The following CACNA1C variants were observed in gnomAD, a reference collection of about 807,000 sequenced individuals.
CACNA1C encodes calcium voltage-gated channel subunit alpha1 C, also known as voltage-dependent L-type calcium channel subunit alpha-1C.
A neutral mutation model predicts 229.0 loss-of-function variants in CACNA1C; 30 were observed. The ratio of observed to expected loss-of-function variants is 0.13; its 90% CI spans 0.10 to 0.18. CACNA1C has a LOEUF of 0.18. CACNA1C is among the 10% of genes least tolerant of loss of function. The pLI is 1.00. For missense variants in CACNA1C, 1,658 were observed against 2,845.0 expected (o/e 0.58, Z 9.49); for synonymous variants, 1,114 against 1,132.5 (o/e 0.98, Z 0.33).
At chr12:2,004,055 T>C (rs2042806339) in intron 1 of CACNA1C, 3 of 622,934 alleles carry the variant, frequency 4.8e-6, no homozygotes, top group Admixed American at 3.0e-5. Context: ...TTGGGTACGT[T>C]AGAGATTTAA....
intron 3 of CACNA1C, among the ~76,000 whole-genome samples, chr12:2,255,008 C>T (rs571691655): frequency 1.3e-5 from 2 of 152,252 alleles, no homozygotes; most frequent in East Asian, 3.9e-4. Context: ...GGAGCAACAG[C>T]CTTAAATGGA....
rs77819950 is a variant in CACNA1C, at chr12:2,137,096, G to A, written c.477+16666G>A. ...CCCAGGTGAGAGCAGTCCCCCTCTC[G>A]TGCCGAGAGGCTCCACAGGTTTTGC... is the stretch of plus-strand genomic sequence containing the variant. On this transcript the variant is annotated intron_variant, in intron 3 of 46. Coordinates refer to ENST00000399655, the MANE Select transcript of CACNA1C (RefSeq NM_000719.7). 5.1e-3 allele frequency among the ~76,000 whole-genome samples: 779 copies of A among 151,390 alleles called. 31 individuals carry two copies. The highest frequency in any genetic ancestry group is 0.018 in the South Asian group (85 of 4,750).
chr12:2,667,728 C>A (rs781501277), intron 37 of CACNA1C, among the ~76,000 whole-genome samples: 2 of 152,100 alleles, frequency 1.3e-5, no homozygotes, highest in Non-Finnish European at 2.9e-5. Context: ...AGCCTGGGTG[C>A]GAAACTTTCC....
At chr12:2,150,847 T>C (rs1056285910) in intron 3 of CACNA1C, among the ~76,000 whole-genome samples, 5 of 152,220 alleles carry the variant, frequency 3.3e-5, no homozygotes, top group Non-Finnish European at 7.3e-5. Context: ...TTTCCATTAG[T>C]AGAGTGCTAT....
chr12:2,177,367 A>AT (rs2096677449), intron 3 of CACNA1C, among the ~76,000 whole-genome samples: 1 of 152,174 alleles, frequency 6.6e-6, no homozygotes, highest in Non-Finnish European at 1.5e-5. Flanking sequence ...AAATAAATAA[A>AT]AAATACACAG....
At chr12:2,682,797 G>C (rs1195516815) in intron 43 of CACNA1C, 119 bp downstream of exon 43, 3 of 817,746 alleles carry the variant, frequency 3.7e-6, no homozygotes, top group Non-Finnish European at 4.9e-6. Context: ...GGAGATCACA[G>C]AGAAAACATC....
intron 3 of CACNA1C, among the ~76,000 whole-genome samples, chr12:2,243,506 T>A (rs536382539): frequency 6.6e-6 from 1 of 152,194 alleles, no homozygotes; most frequent in Non-Finnish European, 1.5e-5. Context: ...CTGCCATCAG[T>A]GCGATCACCA....
rs923157417 is a variant in CACNA1C, at chr12:2,324,387, G to A, written c.478-124589G>A. On this transcript the variant is annotated intron_variant, in intron 3 of 46. Transcript: ENST00000399655. ...TCTCTGGACCAAGAAGGGACAAGCC[G>A]CGCCCTTGCTGCCCGAATCTCCACC... Among the ~76,000 whole-genome samples, 8 of 152,310 alleles carry A rather than the reference G, an allele frequency of 5.3e-5. No homozygotes were observed. In the South Asian group the frequency reaches 8.3e-4, roughly 16 times the overall value.
chr12:2,470,329 G>A (rs1006266670), intron 5 of CACNA1C, among the ~76,000 whole-genome samples: 11 of 152,128 alleles, frequency 7.2e-5, no homozygotes, highest in African/African-American at 2.7e-4. Context: ...CACAGACAAG[G>A]TGATGACTGA....
At chr12:2,376,136 TCAAG>T (rs1567319925) in intron 3 of CACNA1C, among the ~76,000 whole-genome samples, 2 of 152,208 alleles carry the variant, frequency 1.3e-5, no homozygotes, top group Admixed American at 1.3e-4. Flanking sequence ...GCAGCCATGC[TCAAG>T]GCCAGAGTCG....
chr12:2,203,000 A>C (rs578081308), intron 3 of CACNA1C, among the ~76,000 whole-genome samples: 2 of 152,182 alleles, frequency 1.3e-5, no homozygotes, highest in South Asian at 4.2e-4. Context: ...GTACACCGAA[A>C]GTTTTCTTTT....
chr12:2,674,464 T>C (rs2096707145), intron 38 of CACNA1C, 77 bp from the exon 39 acceptor site: 1 of 1,499,392 alleles, frequency 6.7e-7, no homozygotes, highest in Non-Finnish European at 9.0e-7. Context: ...CCACCATCTG[T>C]GGCTTCCTAC....
chr12:2,610,257 A>G (rs148463058), intron 27 of CACNA1C, among the ~76,000 whole-genome samples: 2 of 152,322 alleles, frequency 1.3e-5, no homozygotes, highest in African/African-American at 4.8e-5. Context: ...AGGCATCACC[A>G]GGGTGAGGAA....
rs1567336472 is a variant in CACNA1C at position 2,378,807 on chromosome 12, TTC to T, written c.478-70168_478-70167del. ...CTTCCTTCCTTCCTTCCTTCCTTCC[TTC>T]CTTCCTTCCTCTCTCTCTTTCCTTC... On this transcript the variant is annotated intron_variant, in intron 3 of 46. Coordinates refer to ENST00000399655, the MANE Select transcript of CACNA1C (RefSeq NM_000719.7). 1.4e-3 allele frequency among the ~76,000 whole-genome samples: 200 copies of T among 139,152 alleles called. 3 individuals are homozygous for T. In the East Asian group the frequency reaches 0.023, roughly 16 times the overall value. 91.3% of individuals were successfully genotyped at this position (139,152 alleles called of 152,430 possible).
intron 30 of CACNA1C, chr12:2,641,720 C>T (rs2093716659): frequency 1.4e-6 from 1 of 702,530 alleles, no homozygotes; most frequent in East Asian, 2.7e-5. Context: ...GAAGAGAAGG[C>T]GATGCTCAAC....
At chr12:2,406,426 A>C (rs1245617204) in intron 3 of CACNA1C, among the ~76,000 whole-genome samples, 1 of 152,186 alleles carries the variant, frequency 6.6e-6, no homozygotes, top group Non-Finnish European at 1.5e-5. Context: ...CAGGCCACCC[A>C]ACTCTGCTCA....
At chr12:2,433,985 A>G (rs912313430) in intron 3 of CACNA1C, among the ~76,000 whole-genome samples, 2 of 152,184 alleles carry the variant, frequency 1.3e-5, no homozygotes, top group Non-Finnish European at 2.9e-5. Flanking sequence ...CCAGATTTTT[A>G]TGTAAGAAAA....
chr12:2,313,665 C>T (rs1367430208), intron 3 of CACNA1C, among the ~76,000 whole-genome samples: 1 of 152,114 alleles, frequency 6.6e-6, no homozygotes, highest in African/African-American at 2.4e-5. Flanking sequence ...AGCCCTTTCC[C>T]TCTAATGTGG....
chr12:2,054,263 A>T lies in CACNA1C; in HGVS notation c.49+652A>T, dbSNP rs1001646501. Among the ~76,000 whole-genome samples, 1 of 151,702 alleles carries T rather than the reference A, an allele frequency of 6.6e-6. No individual in the cohort carries two copies. Among genetic ancestry groups the T allele is most frequent in the African/African-American group, 2.4e-5 (1 of 41,276 alleles). On this transcript the variant is annotated intron_variant, in intron 1 of 46. Coordinates refer to ENST00000399655, the MANE Select transcript of CACNA1C (RefSeq NM_000719.7). The surrounding 1 kb of genome is among the most constrained non-coding windows in gnomAD (Gnocchi z 5.5). ...TCTCTCCCTCCCTCCTCCGCCGCTC[A>T]CCTACACCCACCCACCTCTCCACTG...
Sources: gnomAD v4.1 joint callset for allele counts (sites outside exome capture counted in the v4.1 genomes callset) on GRCh38, gnomAD v4.1.1 for gene constraint, Gnocchi (gnomAD v3.1) non-coding constraint, MANE v1.5 for transcripts, NCBI Gene and HGNC (gene_info 2026-07-23, HGNC 2026-07-21) for gene names.